FMNL2: variants seen among roughly 807,000 people sequenced by gnomAD.
FMNL2 encodes formin like 2, also known as formin-like protein 2.
FMNL2 carries 51 observed loss-of-function variants against 130.2 expected under a neutral mutation model. The ratio of observed to expected loss-of-function variants is 0.39; its 90% CI spans 0.31 to 0.49. The LOEUF (loss-of-function observed/expected upper bound fraction) is 0.49, where lower values mean the gene tolerates loss of function less well. Among genes scored for constraint, FMNL2 ranks in the 20% least tolerant of loss-of-function variants. FMNL2 has a pLI of 0.85. For synonymous variants in FMNL2, 465 were observed against 467.1 expected (o/e 1.00, Z 0.06); for missense variants, 977 against 1,316.2 (o/e 0.74, Z 3.99).
At chr2:152,504,851 C>A (rs995446024) in intron 1 of FMNL2, among the ~76,000 whole-genome samples, 3 of 152,100 alleles carry the variant, frequency 2.0e-5, no homozygotes, top group African/African-American at 7.2e-5. Context: ...TATTAATACT[C>A]TGAAGACACT....
At chr2:152,357,887 G>A (rs551378466) in intron 1 of FMNL2, among the ~76,000 whole-genome samples, 4 of 152,298 alleles carry the variant, frequency 2.6e-5, no homozygotes, top group South Asian at 4.1e-4. Context: ...AATATCGAGT[G>A]TCAACTTGAT....
intron 20 of FMNL2, among the ~76,000 whole-genome samples, chr2:152,630,735 G>T (rs1008086550): frequency 6.6e-6 from 1 of 152,182 alleles, no homozygotes; most frequent in Admixed American, 6.5e-5. Context: ...ATAAGGGAGG[G>T]CCTAAGCTAA....
chr2:152,466,283 G>C (rs1317178834), intron 1 of FMNL2, among the ~76,000 whole-genome samples: 1 of 152,212 alleles, frequency 6.6e-6, no homozygotes, highest in Admixed American at 6.5e-5. Context: ...GGTCTGGGCT[G>C]CACTGGCCTC....
At position 152,544,340 on chromosome 2, in the gene FMNL2, G is replaced by A. The variant is rs146339599; in HGVS notation, c.282+1521G>A. 8.2e-3 allele frequency among the ~76,000 whole-genome samples: 1,245 copies of A among 152,196 alleles called. 22 individuals are homozygous for A. Among genetic ancestry groups the A allele is most frequent in the African/African-American group, 0.029 (1,195 of 41,500 alleles). On this transcript the variant is annotated intron_variant, in intron 3 of 25. Coordinates refer to ENST00000288670, the MANE Select transcript of FMNL2 (RefSeq NM_052905.4). ...GGAGAATCGCTTGAACCCAGGAGGC[G>A]GAGGTTGCAGTGAGCTGAGATTGTG...
Position 152,572,605 on chromosome 2 carries a change from G to A in FMNL2, c.597-2531G>A, listed in dbSNP as rs1696234533. 2.0e-5 allele frequency among the ~76,000 whole-genome samples: 3 copies of A among 147,960 alleles called. No individual in the cohort carries two copies. The Admixed American group carries it at 2.1e-4, about 10-fold the overall frequency. Reference sequence around the variant, plus strand: ...ATTCGATACCCACCTGGGCAACAGAGCAAGACCCTGTCTCTACAAAAAAAA... The same window carrying A: ...ATTCGATACCCACCTGGGCAACAGAACAAGACCCTGTCTCTACAAAAAAAA... On this transcript the variant is annotated intron_variant, in intron 6 of 25. Coordinates refer to ENST00000288670, the MANE Select transcript of FMNL2 (RefSeq NM_052905.4).
chr2:152,362,971 G>A lies in FMNL2; in HGVS notation c.117+27251G>A, dbSNP rs986528729. Among the ~76,000 whole-genome samples the A allele has an allele frequency of 1.2e-4, 18 of 152,308 alleles. 1 individual carries two copies. In the Middle Eastern group the frequency reaches 0.01, roughly 86 times the overall value. On this transcript the variant is annotated intron_variant, in intron 1 of 25. Transcript: ENST00000288670. The stretch of plus-strand genomic sequence containing the variant: ...TTACATGATTCCATTTATGTGAAAT[G>A]TCCATAACAGGCAAAACTATATAGA...
chr2:152,381,490 A>G (rs1304071550), intron 1 of FMNL2, among the ~76,000 whole-genome samples: 1 of 152,198 alleles, frequency 6.6e-6, no homozygotes, highest in Non-Finnish European at 1.5e-5. Flanking sequence ...CAGAGATCAT[A>G]TTTGAAGTTC....
At chr2:152,589,106 T>TAAAA (rs397940537) in intron 9 of FMNL2, among the ~76,000 whole-genome samples, 1 of 141,910 alleles carries the variant, frequency 7.0e-6, no homozygotes, top group Non-Finnish European at 1.5e-5. Context: ...TGGGGGAGCT[T>TAAAA]AAAAAAAAAA....
At chr2:152,548,373 G>A (rs1447218985) in intron 3 of FMNL2, among the ~76,000 whole-genome samples, 1 of 152,108 alleles carries the variant, frequency 6.6e-6, no homozygotes, top group Non-Finnish European at 1.5e-5. Context: ...AGACTGTTTC[G>A]CTGTGCCTAA....
At chr2:152,420,935 G>A (rs1028040285) in intron 1 of FMNL2, among the ~76,000 whole-genome samples, 1 of 152,180 alleles carries the variant, frequency 6.6e-6, no homozygotes, top group African/African-American at 2.4e-5. Flanking sequence ...ACTCAGATTT[G>A]CCTGTTATTC....
intron 25 of FMNL2, among the ~76,000 whole-genome samples, chr2:152,646,285 TCAC>T (rs1309047737): frequency 2.0e-5 from 3 of 151,906 alleles, no homozygotes; most frequent in Admixed American, 1.3e-4. Context: ...TGAGCAGAGA[TCAC>T]CACTACACTC....
intron 1 of FMNL2, among the ~76,000 whole-genome samples, chr2:152,491,508 T>C (rs1381226688): frequency 6.6e-6 from 1 of 152,246 alleles, no homozygotes; most frequent in Non-Finnish European, 1.5e-5. Flanking sequence ...TAAGCTTAGC[T>C]AAATTGACCA....
At chr2:152,635,160 C>G (rs923268432) in intron 21 of FMNL2, among the ~76,000 whole-genome samples, 1 of 152,106 alleles carries the variant, frequency 6.6e-6, no homozygotes, top group African/African-American at 2.4e-5. Flanking sequence ...GCTTTTTCAC[C>G]TTTCAAATTT....
intron 1 of FMNL2, among the ~76,000 whole-genome samples, chr2:152,364,334 TTTTG>T (rs1417203591): frequency 6.7e-6 from 1 of 148,236 alleles, no homozygotes; most frequent in East Asian, 2.3e-4. Context: ...AATCAACAAA[TTTTG>T]TTTTTTATTT....
chr2:152,580,456 T>A lies in FMNL2; in HGVS notation c.783-500T>A, dbSNP rs375049819. 2.6e-4 allele frequency among the ~76,000 whole-genome samples: 40 copies of A among 152,374 alleles called. 1 individual carries two copies. In the South Asian group the frequency reaches 8.1e-3, roughly 31 times the overall value. ...AGAAGAAAGGACAGAAACTTGTATT[T>A]TCGTGGGAGATTTATGGATCTGTCC... On this transcript the variant is annotated intron_variant, in intron 8 of 25. Transcript: ENST00000288670.
intron 4 of FMNL2, among the ~76,000 whole-genome samples, chr2:152,554,904 A>G (rs6746777): frequency 0.78 from 119,400 of 152,146 alleles, 47,150 homozygotes; most frequent in African/African-American, 0.85. Flanking sequence ...GTGCTACTTG[A>G]GCAGGTAGCA....
intron 2 of FMNL2, 56 bp downstream of exon 2, chr2:152,522,082 T>C: frequency 1.4e-6 from 2 of 1,431,568 alleles, no homozygotes; most frequent in Non-Finnish European, 1.9e-6. Context: ...AGAGATCCAG[T>C]GTGAATTTTA....
At chr2:152,643,870 T>A (rs1195881159) in intron 25 of FMNL2, 2 of 985,434 alleles carry the variant, frequency 2.0e-6, no homozygotes, top group African/African-American at 3.5e-5. Flanking sequence ...ATAAGATTTT[T>A]GAGCTAATGT....
intron 1 of FMNL2, among the ~76,000 whole-genome samples, chr2:152,434,012 C>T (rs1687622376): frequency 6.6e-6 from 1 of 152,116 alleles, no homozygotes; most frequent in Admixed American, 6.5e-5. Context: ...GGAGAAAGCC[C>T]ATTTTGAGTA....
Sources: gnomAD v4.1 joint callset for allele counts (sites outside exome capture counted in the v4.1 genomes callset) on GRCh38, gnomAD v4.1.1 for gene constraint, MANE v1.5 for transcripts, NCBI Gene and HGNC (gene_info 2026-07-23, HGNC 2026-07-21) for gene names.